Variants in RELN observed in about 807,000 individuals in gnomAD.
RELN encodes the protein reelin.
Under a neutral mutation model 427.6 loss-of-function variants are expected in RELN, and 108 were observed. That is an observed-to-expected ratio of 0.25 (90% CI 0.22 to 0.30). The LOEUF (loss-of-function observed/expected upper bound fraction) is 0.30, where lower values mean the gene tolerates loss of function less well. Among genes scored for constraint, RELN ranks in the 10% least tolerant of loss-of-function variants. RELN has a pLI of 1.00. For missense variants in RELN, 3,715 were observed against 4,302.8 expected (o/e 0.86, Z 3.82); for synonymous variants, 1,524 against 1,513.4 (o/e 1.01, Z -0.16).
In RELN at chr7:103,649,329, T is replaced by C. The variant is rs190878429; in HGVS notation, c.2002+945A>G. The stretch of plus-strand genomic sequence containing the variant: ...AGGCCATTATCCTAAGTGATATTAC[T>C]TAGAAAGTTGTAGACCACATGCTCT... On this transcript the variant is annotated intron_variant, in intron 16 of 64. Transcript: ENST00000428762. 7.0e-4 allele frequency among the ~76,000 whole-genome samples: 106 copies of C among 152,106 alleles called. 1 individual carries two copies. Among genetic ancestry groups the C allele is most frequent in the African/African-American group, 2.3e-3 (95 of 41,522 alleles).
intron 10 of RELN, among the ~76,000 whole-genome samples, chr7:103,687,923 C>T (rs1176539216): frequency 2.6e-5 from 4 of 152,106 alleles, no homozygotes; most frequent in Non-Finnish European, 5.9e-5. Flanking sequence ...AATGTTATTC[C>T]ACATTAATTA....
chr7:103,576,185 C>T (rs920028043), intron 28 of RELN, among the ~76,000 whole-genome samples: 4 of 152,102 alleles, frequency 2.6e-5, no homozygotes, highest in Middle Eastern at 3.2e-3. Flanking sequence ...GAGCTGGGAT[C>T]GCACCTTTGC....
At chr7:103,659,460 T>C (rs1833091849) in intron 12 of RELN, among the ~76,000 whole-genome samples, 1 of 152,134 alleles carries the variant, frequency 6.6e-6, no homozygotes, top group Non-Finnish European at 1.5e-5. Flanking sequence ...CACTTATCTA[T>C]ATTGGGAAAA....
chr7:103,865,842 G>T (rs1448092331), intron 2 of RELN, among the ~76,000 whole-genome samples: 1 of 152,126 alleles, frequency 6.6e-6, no homozygotes, highest in Non-Finnish European at 1.5e-5. Flanking sequence ...CGGGAACAAG[G>T]TAAGGATGCC....
intron 1 of RELN, among the ~76,000 whole-genome samples, chr7:103,974,036 G>A (rs897362494): frequency 4.6e-5 from 7 of 152,216 alleles, no homozygotes; most frequent in South Asian, 4.2e-4. Flanking sequence ...CCAGCTACTC[G>A]GGAGGCTGAG....
Position 103,532,824 on chromosome 7 carries a change from C to T in RELN, c.7349+2492G>A, listed in dbSNP as rs375856632. Among the ~76,000 whole-genome samples the T allele has an allele frequency of 5.9e-5, 9 of 152,250 alleles. No individual in the cohort carries two copies. The East Asian group carries it at 9.7e-4, about 16-fold the overall frequency. On this transcript the variant is annotated intron_variant, in intron 46 of 64. Coordinates refer to ENST00000428762, the MANE Select transcript of RELN (RefSeq NM_005045.4). ...TTCTTGACCAGGTCACATCACCCTA[C>T]GATACAGAAACTTAGAGCATCATGT...
intron 1 of RELN, among the ~76,000 whole-genome samples, chr7:103,950,074 T>C (rs1456477540): frequency 6.6e-6 from 1 of 152,222 alleles, no homozygotes; most frequent in Non-Finnish European, 1.5e-5. Context: ...TTTTGGTGCC[T>C]GGTGAAAGCC....
At chr7:103,597,714 A>G (rs1440006488) in intron 24 of RELN, among the ~76,000 whole-genome samples, 3 of 152,196 alleles carry the variant, frequency 2.0e-5, no homozygotes, top group African/African-American at 7.2e-5. Flanking sequence ...TGTTGCAACC[A>G]CTAAATGGTC....
intron 2 of RELN, among the ~76,000 whole-genome samples, chr7:103,866,100 T>C (rs996323523): frequency 6.6e-6 from 1 of 152,140 alleles, no homozygotes; most frequent in East Asian, 1.9e-4. Flanking sequence ...TTAAAATGAT[T>C]TGCAAGCTGA....
chr7:103,788,721 A>G (rs1792083901), intron 3 of RELN, among the ~76,000 whole-genome samples: 1 of 152,228 alleles, frequency 6.6e-6, no homozygotes, highest in African/African-American at 2.4e-5. Flanking sequence ...TTCCATGCTC[A>G]TGGATATGAA....
At chr7:103,929,952 A>G (rs1372069347) in intron 1 of RELN, among the ~76,000 whole-genome samples, 1 of 152,250 alleles carries the variant, frequency 6.6e-6, no homozygotes, top group Non-Finnish European at 1.5e-5. Flanking sequence ...TTTAGTCAAT[A>G]GATGAAATCA....
rs990524993 is a variant in RELN, at chr7:103,812,509, A to G, written c.473+21028T>C. The stretch of plus-strand genomic sequence containing the variant: ...CTAAATGAAAGTGGTGACTCTAAAG[A>G]TAAGAACCTCATGCACTTGTTCAGA... On this transcript the variant is annotated intron_variant, in intron 3 of 64. Coordinates refer to ENST00000428762, the MANE Select transcript of RELN (RefSeq NM_005045.4). Among the ~76,000 whole-genome samples the G allele has an allele frequency of 5.3e-5, 8 of 152,330 alleles. 1 individual carries two copies. Among genetic ancestry groups the G allele is most frequent in the African/African-American group, 1.9e-4 (8 of 41,578 alleles).
rs371297994 is a variant in RELN at position 103,832,430 on chromosome 7, C to A, written c.473+1107G>T. Among the ~76,000 whole-genome samples the A allele has an allele frequency of 4.5e-4, 68 of 151,976 alleles. 3 individuals are homozygous for A. Among genetic ancestry groups the A allele is most frequent in the African/African-American group, 1.6e-3 (65 of 41,372 alleles). ...AGAAAAAACAAAAACACAAAAAAAACAACGAAAAACTGAAAAACAATTCTT... is the reference window on the plus strand; with the variant it reads ...AGAAAAAACAAAAACACAAAAAAAAAAACGAAAAACTGAAAAACAATTCTT... On this transcript the variant is annotated intron_variant, in intron 3 of 64. Transcript: ENST00000428762.
intron 2 of RELN, among the ~76,000 whole-genome samples, chr7:103,903,875 T>C (rs923074960): frequency 1.3e-5 from 2 of 151,960 alleles, no homozygotes; most frequent in African/African-American, 4.8e-5. Context: ...CCGGGATACA[T>C]GTGCAGAATG....
chr7:103,521,878 A>G lies in RELN; in HGVS notation c.7668+144T>C, dbSNP rs928006587. The G allele has an allele frequency of 2.9e-5, 22 of 755,160 alleles. No homozygotes were observed. The East Asian group carries it at 3.2e-4, about 11-fold the overall frequency. The allele number at this position is 755,160 out of a possible 1,614,324, so 46.8% of individuals were successfully genotyped here. On this transcript the variant is annotated intron_variant, in intron 48 of 64. Transcript: ENST00000428762. ...ATCTTTATAGCATAAAGATTTGTAT[A>G]AAGTTGCAAGTTCAGATCAGGGTTG...
At chr7:103,864,640 C>A (rs1262098066) in intron 2 of RELN, among the ~76,000 whole-genome samples, 1 of 151,958 alleles carries the variant, frequency 6.6e-6, no homozygotes, top group Non-Finnish European at 1.5e-5. Flanking sequence ...AAATAAGCAA[C>A]CTAACTTTAT....
Position 103,515,166 on chromosome 7 carries a change from A to G in RELN, c.8119+19T>C, listed in dbSNP as rs1324583271. On this transcript the variant is annotated intron_variant, in intron 50 of 64. Coordinates refer to ENST00000428762, the MANE Select transcript of RELN (RefSeq NM_005045.4). ...TGCATTTCCACTGGGCTTTTTATTT[A>G]GCGCTGTGCATAATTTACCTGAAGT... 5 of 1,614,024 alleles carry G rather than the reference A, an allele frequency of 3.1e-6. No homozygotes were observed. The African/African-American group carries it at 6.7e-5, about 22-fold the overall frequency.
chr7:103,489,486 T>G (rs1828575765), intron 60 of RELN, among the ~76,000 whole-genome samples: 1 of 152,326 alleles, frequency 6.6e-6, no homozygotes, highest in Admixed American at 6.5e-5. Flanking sequence ...ATATCTGGAT[T>G]TATATGCTTA....
intron 51 of RELN, among the ~76,000 whole-genome samples, chr7:103,506,788 C>A (rs1829228745): frequency 6.6e-6 from 1 of 152,012 alleles, no homozygotes; most frequent in East Asian, 1.9e-4. Context: ...GAGTCAAGAC[C>A]CATCTCATGT....
Sources: allele counts gnomAD v4.1 joint callset (sites outside exome capture counted in the v4.1 genomes callset), GRCh38; gene constraint gnomAD v4.1.1; transcripts MANE v1.5; gene names NCBI Gene and HGNC (gene_info 2026-07-23, HGNC 2026-07-21).